Variants in LRRC4C observed in about 807,000 individuals in gnomAD.
LRRC4C encodes leucine-rich repeat-containing protein 4C.
LRRC4C carries 5 observed loss-of-function variants against 33.6 expected under a neutral mutation model. That is an observed-to-expected ratio of 0.15 (90% CI 0.08 to 0.31). LRRC4C has a LOEUF of 0.31. Among genes scored for constraint, LRRC4C ranks in the 10% least tolerant of loss-of-function variants. The probability of loss-of-function intolerance (pLI) is 1.00; values close to 1 mark genes in which losing one functional copy is unlikely to be tolerated. For missense variants in LRRC4C, 560 were observed against 796.7 expected (o/e 0.70, Z 3.58); for synonymous variants, 329 against 302.0 (o/e 1.09, Z -0.93).
intron 1 of LRRC4C, among the ~76,000 whole-genome samples, chr11:41,130,761 G>A (rs551184657): frequency 2.0e-5 from 3 of 151,878 alleles, no homozygotes; most frequent in Non-Finnish European, 4.4e-5. Flanking sequence ...TGCAATATTA[G>A]AGTAAGTTCT....
chr11:40,908,001 G>T (rs745874685), intron 2 of LRRC4C, among the ~76,000 whole-genome samples: 8 of 152,130 alleles, frequency 5.3e-5, no homozygotes, highest in Non-Finnish European at 7.4e-5. Flanking sequence ...TGAAACATAG[G>T]TATTGTTGTT....
At chr11:40,964,752 T>G (rs1333970897) in intron 1 of LRRC4C, among the ~76,000 whole-genome samples, 2 of 151,930 alleles carry the variant, frequency 1.3e-5, no homozygotes, top group Non-Finnish European at 2.9e-5. Flanking sequence ...TGCCACATTT[T>G]CTTAATCCAG....
At chr11:40,546,153 T>G (rs78915598) in intron 3 of LRRC4C, among the ~76,000 whole-genome samples, 13,890 of 145,688 alleles carry the variant, frequency 0.095, 747 homozygotes, top group Middle Eastern at 0.15. Flanking sequence ...TCTTTCTTTC[T>G]CTCTAATTTA....
At chr11:40,368,883 CA>C (rs1414070496) in intron 3 of LRRC4C, among the ~76,000 whole-genome samples, 3 of 152,122 alleles carry the variant, frequency 2.0e-5, no homozygotes, top group African/African-American at 4.8e-5. Context: ...CTCTGAGCCA[CA>C]ATGATCTAAT....
At chr11:40,235,838 C>A (rs1374869826) in intron 5 of LRRC4C, among the ~76,000 whole-genome samples, 2 of 152,074 alleles carry the variant, frequency 1.3e-5, no homozygotes, top group Non-Finnish European at 2.9e-5. Context: ...TGGATCTGTT[C>A]ATTCTCTCAA....
chr11:41,005,854 T>G (rs1854713851), intron 1 of LRRC4C, among the ~76,000 whole-genome samples: 2 of 152,172 alleles, frequency 1.3e-5, no homozygotes, highest in African/African-American at 4.8e-5. Flanking sequence ...ACAAACAGAC[T>G]AACACAGATA....
chr11:40,579,658 T>C (rs978709417), intron 3 of LRRC4C, among the ~76,000 whole-genome samples: 3 of 152,092 alleles, frequency 2.0e-5, no homozygotes, highest in African/African-American at 7.2e-5. Flanking sequence ...TTTCAGCCCG[T>C]CTATAACTCT....
At chr11:40,602,561 G>T (rs1258438180) in intron 3 of LRRC4C, among the ~76,000 whole-genome samples, 1 of 151,956 alleles carries the variant, frequency 6.6e-6, no homozygotes, top group Non-Finnish European at 1.5e-5. Context: ...AAAGGCAAGA[G>T]ATTTAAAAGA....
At chr11:40,187,058 C>T (rs557334646) in intron 5 of LRRC4C, among the ~76,000 whole-genome samples, 3 of 152,234 alleles carry the variant, frequency 2.0e-5, no homozygotes, top group Admixed American at 1.3e-4. Context: ...AAAGGAGCCG[C>T]GGCGACTGCC....
At chr11:41,098,142 C>T (rs1193315182) in intron 1 of LRRC4C, among the ~76,000 whole-genome samples, 1 of 152,070 alleles carries the variant, frequency 6.6e-6, no homozygotes, top group Non-Finnish European at 1.5e-5. Flanking sequence ...ACATGGGGGG[C>T]TGCTCCTCTG....
chr11:40,404,744 A>G (rs1191290498), intron 3 of LRRC4C, among the ~76,000 whole-genome samples: 1 of 152,100 alleles, frequency 6.6e-6, no homozygotes, highest in Non-Finnish European at 1.5e-5. Flanking sequence ...AATGTAGAGC[A>G]GCCTCCCATT....
intron 1 of LRRC4C, among the ~76,000 whole-genome samples, chr11:41,245,241 G>A (rs1476936612): frequency 6.6e-6 from 1 of 152,218 alleles, no homozygotes; most frequent in East Asian, 1.9e-4. Context: ...CTATGCCTGA[G>A]TTTTGCTCGG....
intron 3 of LRRC4C, among the ~76,000 whole-genome samples, chr11:40,449,019 A>C (rs1951768416): frequency 1.3e-5 from 2 of 151,958 alleles, no homozygotes; most frequent in South Asian, 4.2e-4. Flanking sequence ...GCTTTTTTTC[A>C]TATGTTTGTT....
chr11:41,135,483 T>C (rs1471008620), intron 1 of LRRC4C, among the ~76,000 whole-genome samples: 2 of 152,184 alleles, frequency 1.3e-5, no homozygotes, highest in African/African-American at 2.4e-5. Flanking sequence ...GTTTGACATA[T>C]ACAAAGTAAG....
chr11:40,264,571 A>G (rs1241903721), intron 4 of LRRC4C, among the ~76,000 whole-genome samples: 1 of 152,144 alleles, frequency 6.6e-6, no homozygotes, highest in Non-Finnish European at 1.5e-5. Flanking sequence ...TCTGAACCAT[A>G]ATTTTTTTCT....
intron 3 of LRRC4C, among the ~76,000 whole-genome samples, chr11:40,414,344 T>C (rs1950252093): frequency 6.6e-6 from 1 of 152,062 alleles, no homozygotes; most frequent in South Asian, 2.1e-4. Context: ...AAAATCTCAG[T>C]GGTTCTGTTT....
chr11:41,015,146 T>G (rs1340953209), intron 1 of LRRC4C, among the ~76,000 whole-genome samples: 1 of 152,178 alleles, frequency 6.6e-6, no homozygotes, highest in Non-Finnish European at 1.5e-5. Flanking sequence ...AATTTTTTTC[T>G]AATGGCTAAT....
chr11:40,396,782 T>A (rs947237300), intron 3 of LRRC4C, among the ~76,000 whole-genome samples: 4 of 152,112 alleles, frequency 2.6e-5, no homozygotes, highest in Non-Finnish European at 5.9e-5. Context: ...GAAACATACA[T>A]TTTAAGAATC....
At chr11:41,163,947 T>G (rs1395754568) in intron 1 of LRRC4C, among the ~76,000 whole-genome samples, 2 of 152,138 alleles carry the variant, frequency 1.3e-5, no homozygotes, top group Non-Finnish European at 2.9e-5. Context: ...TATTTGTAAT[T>G]GTTGTGGATA....
Sources: gnomAD v4.1 joint callset for allele counts (sites outside exome capture counted in the v4.1 genomes callset) on GRCh38, gnomAD v4.1.1 for gene constraint, MANE v1.5 for transcripts, NCBI Gene and HGNC (gene_info 2026-07-23, HGNC 2026-07-21) for gene names.